Variants in COX10 observed in about 807,000 individuals in gnomAD.
COX10 encodes the protein protoheme IX farnesyltransferase, mitochondrial.
COX10 carries 27 observed loss-of-function variants against 37.3 expected under a neutral mutation model. The ratio of observed to expected loss-of-function variants is 0.72; its 90% confidence interval spans 0.53 to 1.00. The LOEUF is 1.00. COX10 is among the 50% of genes least tolerant of loss of function. The pLI is 0.00. For missense variants in COX10, 475 were observed against 563.2 expected (o/e 0.84, Z 1.59); for synonymous variants, 222 against 229.1 (o/e 0.97, Z 0.28).
intron 4 of COX10, among the ~76,000 whole-genome samples, chr17:14,139,027 G>A (rs538810283): frequency 8.8e-4 from 134 of 152,228 alleles, no homozygotes; most frequent in African/African-American, 2.9e-3. Flanking sequence ...TCTTTAAAAT[G>A]ATGATAATGA....
chr17:14,118,673 G>A (rs1212840624), intron 4 of COX10, among the ~76,000 whole-genome samples: 1 of 151,982 alleles, frequency 6.6e-6, no homozygotes, highest in Non-Finnish European at 1.5e-5. Flanking sequence ...GGGGAGTAAA[G>A]GCATAAAAAT....
At chr17:14,084,934 AC>A (rs1473796689) in intron 3 of COX10, among the ~76,000 whole-genome samples, 1 of 152,196 alleles carries the variant, frequency 6.6e-6, no homozygotes, top group East Asian at 1.9e-4. Flanking sequence ...TGCTGGGATT[AC>A]AGGCGTGAGT....
At chr17:14,082,118 G>T (rs1220180251) in intron 3 of COX10, among the ~76,000 whole-genome samples, 2 of 152,220 alleles carry the variant, frequency 1.3e-5, no homozygotes, top group African/African-American at 4.8e-5. Flanking sequence ...CCAAGGATCA[G>T]TGTGTACAGT....
intron 5 of COX10, among the ~76,000 whole-genome samples, chr17:14,186,314 AC>A (rs1196768753): frequency 1.3e-5 from 2 of 151,634 alleles, no homozygotes; most frequent in African/African-American, 2.4e-5. Context: ...GACACCTCCC[AC>A]CCTCATTCTA....
intron 5 of COX10, among the ~76,000 whole-genome samples, chr17:14,167,184 G>A (rs947823098): frequency 1.3e-5 from 2 of 152,138 alleles, no homozygotes; most frequent in African/African-American, 4.8e-5. Flanking sequence ...AATAGCAAGA[G>A]AATGAGAATT....
chr17:14,076,864 T>G lies in COX10; in HGVS notation c.307T>G (p.Ser103Ala), dbSNP rs200480915. ...AGAAATATATGAGATGAGACCTCTC[T>G]CACCGCCCAGCCTATCTTTGTCCAG... ...KAEIYEMRPL[S>A]PPSLSLSRKP... Residue 103 changes from serine (S) to alanine (A), a missense_variant, in exon 3 of 7, where the codon TCA becomes GCA. Coordinates refer to ENST00000261643, the MANE Select transcript of COX10 (RefSeq NM_001303.4). 44 of 1,614,134 alleles carry G rather than the reference T, an allele frequency of 2.7e-5. 1 individual carries two copies. In the South Asian group the frequency reaches 4.6e-4, roughly 17 times the overall value.
At position 14,069,652 on chromosome 17, in the gene COX10, C is replaced by T; in HGVS notation, c.43+4C>T. The T allele has an allele frequency of 1.9e-6, 3 of 1,614,034 alleles. No individual in the cohort carries two copies. Among genetic ancestry groups the T allele is most frequent in the Non-Finnish European group, 2.5e-6 (3 of 1,179,910 alleles). The stretch of plus-strand genomic sequence containing the variant: ...CTCTCCTCACGCCTCCTGACAGGTA[C>T]TGTACCCGCCTTGGGCACGACCTTG... On this transcript the variant is annotated splice_donor_region_variant and intron_variant, in intron 1 of 6. Coordinates refer to ENST00000261643, the MANE Select transcript of COX10 (RefSeq NM_001303.4).
At chr17:14,170,321 T>G (rs189442734) in intron 5 of COX10, among the ~76,000 whole-genome samples, 347 of 152,258 alleles carry the variant, frequency 2.3e-3, no homozygotes, top group African/African-American at 8.1e-3. Flanking sequence ...TATTATCCAG[T>G]TTTTTTAACT....
At chr17:14,114,571 A>G (rs910813313) in intron 4 of COX10, among the ~76,000 whole-genome samples, 1 of 152,132 alleles carries the variant, frequency 6.6e-6, no homozygotes, top group Admixed American at 6.6e-5. Context: ...GTTTTACTAC[A>G]AAGCCTCAAG....
chr17:14,089,034 G>T (rs1007018835), intron 3 of COX10, among the ~76,000 whole-genome samples: 1 of 152,102 alleles, frequency 6.6e-6, no homozygotes, highest in Non-Finnish European at 1.5e-5. Flanking sequence ...CAGCTGCAAG[G>T]GAGGTTTTAA....
At chr17:14,137,275 T>C (rs576636994) in intron 4 of COX10, among the ~76,000 whole-genome samples, 69 of 151,186 alleles carry the variant, frequency 4.6e-4, no homozygotes, top group African/African-American at 1.6e-3. Context: ...TATAAACATA[T>C]TAAATATTAT....
intron 3 of COX10, among the ~76,000 whole-genome samples, chr17:14,101,487 G>A (rs947866387): frequency 6.6e-6 from 1 of 152,150 alleles, no homozygotes; most frequent in Non-Finnish European, 1.5e-5. Flanking sequence ...GGAAAGAAGC[G>A]CCAGGGCCTA....
At chr17:14,080,043 C>T (rs1441223911) in intron 3 of COX10, among the ~76,000 whole-genome samples, 1 of 151,920 alleles carries the variant, frequency 6.6e-6, no homozygotes, top group Non-Finnish European at 1.5e-5. Flanking sequence ...TTAAAAGCAA[C>T]TCTGTTACTT....
At chr17:14,165,423 T>C (rs1444188733) in intron 5 of COX10, among the ~76,000 whole-genome samples, 1 of 152,208 alleles carries the variant, frequency 6.6e-6, no homozygotes, top group Non-Finnish European at 1.5e-5. Flanking sequence ...TGTTTGATGT[T>C]ACTGTTGTAA....
At chr17:14,181,801 T>G (rs1449609477) in intron 5 of COX10, among the ~76,000 whole-genome samples, 1 of 152,122 alleles carries the variant, frequency 6.6e-6, no homozygotes, top group Non-Finnish European at 1.5e-5. Flanking sequence ...GAGATTGGAC[T>G]ACAATGCTGG....
chr17:14,195,307 A>T (rs1293568248), intron 6 of COX10, among the ~76,000 whole-genome samples: 3 of 152,148 alleles, frequency 2.0e-5, no homozygotes, highest in African/African-American at 7.2e-5. Flanking sequence ...TATTGCTGGG[A>T]TTTTAGGAAC....
chr17:14,154,129 G>A (rs112494277), intron 4 of COX10, among the ~76,000 whole-genome samples: 116 of 152,318 alleles, frequency 7.6e-4, no homozygotes, highest in Middle Eastern at 3.4e-3. Flanking sequence ...TGTGAGTTGG[G>A]TGGAAGAGGC....
At chr17:14,099,355 A>T (rs1013865367) in intron 3 of COX10, among the ~76,000 whole-genome samples, 3 of 152,176 alleles carry the variant, frequency 2.0e-5, no homozygotes, top group Non-Finnish European at 2.9e-5. Context: ...TAGCAATATC[A>T]AGAAATCCGT....
At chr17:14,101,156 G>A (rs1265338247) in intron 3 of COX10, among the ~76,000 whole-genome samples, 1 of 152,154 alleles carries the variant, frequency 6.6e-6, no homozygotes, top group Non-Finnish European at 1.5e-5. Flanking sequence ...GAGTGACAAA[G>A]GAGATAATCA....
Sources: gnomAD v4.1 joint callset for allele counts (sites outside exome capture counted in the v4.1 genomes callset) on GRCh38, gnomAD v4.1.1 for gene constraint, MANE v1.5 for transcripts, NCBI Gene and HGNC (gene_info 2026-07-23, HGNC 2026-07-21) for gene names.